The following OPTN variants were observed in gnomAD, a reference collection of about 807,000 sequenced individuals.
OPTN encodes optineurin.
In OPTN, 54 loss-of-function variants were observed where a neutral mutation model predicts 70.4. The observed-to-expected ratio is 0.77, with a 90% CI of 0.62 to 0.96. The LOEUF (loss-of-function observed/expected upper bound fraction) is 0.96. OPTN is among the 40% of genes least tolerant of loss of function. The pLI, the probability that OPTN is intolerant of heterozygous loss-of-function variation, is 0.00. For synonymous variants in OPTN, 256 were observed against 248.5 expected (o/e 1.03, Z -0.28); for missense variants, 624 against 673.2 (o/e 0.93, Z 0.81).
chr10:13,124,720 A>C (rs1183527498), intron 9 of OPTN, among the ~76,000 whole-genome samples: 2 of 152,224 alleles, frequency 1.3e-5, no homozygotes, highest in Non-Finnish European at 2.9e-5. Flanking sequence ...AATTATGGTA[A>C]CGTGATACAA....
At chr10:13,131,593 A>C (rs1225553742) in intron 12 of OPTN, 1 of 155,762 alleles carries the variant, frequency 6.4e-6, no homozygotes, top group East Asian at 1.9e-4. Flanking sequence ...AAGATAGTAA[A>C]TGTAAAGCAC....
chr10:13,115,479 AATATATTC>A (rs1564359920), intron 5 of OPTN, among the ~76,000 whole-genome samples: 1 of 104,592 alleles, frequency 9.6e-6, no homozygotes, highest in African/African-American at 4.6e-5. Context: ...GAATATATAT[AATATATTC>A]TATATTATAT....
chr10:13,127,682 T>C (rs1833496779), intron 11 of OPTN, 63 bp from the exon 12 acceptor site: 2 of 1,552,390 alleles, frequency 1.3e-6, no homozygotes, highest in Non-Finnish European at 8.9e-7. Context: ...CTTTTTCTAA[T>C]ATTTTACTAA....
At chr10:13,111,707 T>A (rs1463335280) in intron 4 of OPTN, among the ~76,000 whole-genome samples, 4 of 151,436 alleles carry the variant, frequency 2.6e-5, no homozygotes, top group African/African-American at 4.9e-5. Flanking sequence ...GAAAAAAAAA[T>A]TGTCAGGTAA....
rs56147136 is a variant in OPTN, at chr10:13,128,502, C to CTTTTTTTTTTTTTTTTTTTTTTTTT, written c.1401+607_1401+631dup. 5.7e-4 allele frequency among the ~76,000 whole-genome samples: 19 copies of CTTTTTTTTTTTTTTTTTTTTTTTTT among 33,490 alleles called. 4 individuals carry two copies. The highest frequency in any genetic ancestry group is 6.5e-4 in the African/African-American group (4 of 6,140). 22.0% of individuals were successfully genotyped at this position (33,490 alleles called of 152,430 possible). A position where few individuals can be genotyped will look rare whatever the true frequency, so the allele number is the denominator to read the frequency against. On this transcript the variant is annotated intron_variant, in intron 12 of 14. Transcript: ENST00000378747. Reference sequence around the variant, plus strand: ...TTGTGAAGTGCCTTATCAAGCCTGCCTTTTTTTTTTTTTTTTTTTTTTTTT... The same window carrying CTTTTTTTTTTTTTTTTTTTTTTTTT: ...TTGTGAAGTGCCTTATCAAGCCTGCCTTTTTTTTTTTTTTTTTTTTTTTTTTTTTTTTTTTTTTTTTTTTTTTTTT...
At chr10:13,133,104 AT>A (rs1833627231) in intron 13 of OPTN, among the ~76,000 whole-genome samples, 1 of 152,188 alleles carries the variant, frequency 6.6e-6, no homozygotes, top group Admixed American at 6.5e-5. Flanking sequence ...ACCAGATAAT[AT>A]TGATTTCTCT....
At chr10:13,120,770 C>T (rs1442418339) in intron 7 of OPTN, among the ~76,000 whole-genome samples, 1 of 152,052 alleles carries the variant, frequency 6.6e-6, no homozygotes, top group Non-Finnish European at 1.5e-5. Flanking sequence ...GTTTTGAAAT[C>T]AGGAAGTGTA....
At chr10:13,104,301 C>T (rs2131471194) in intron 1 of OPTN, among the ~76,000 whole-genome samples, 1 of 137,230 alleles carries the variant, frequency 7.3e-6, no homozygotes, top group South Asian at 2.3e-4. Context: ...ACTCTGTCAC[C>T]CAGGCTGGAG....
intron 7 of OPTN, 66 bp from the exon 8 acceptor site, chr10:13,122,319 G>C (rs1011164563): frequency 9.1e-7 from 1 of 1,093,144 alleles, no homozygotes; most frequent in African/African-American, 1.6e-5. Context: ...TAGTACTTCT[G>C]TAATAATTGC....
chr10:13,107,375 A>AG (rs1462789579), intron 1 of OPTN, among the ~76,000 whole-genome samples: 1 of 149,478 alleles, frequency 6.7e-6, no homozygotes, highest in Non-Finnish European at 1.5e-5. Context: ...ACTCTCAAAA[A>AG]ACCAAAACAG....
intron 3 of OPTN, 174 bp from the exon 4 acceptor site, chr10:13,110,100 C>G (rs950574109): frequency 1.6e-6 from 2 of 1,221,274 alleles, no homozygotes; most frequent in African/African-American, 3.1e-5. Context: ...TCCCGCTAGT[C>G]TTTTCTGTAA....
chr10:13,130,666 A>G (rs1833576878), intron 12 of OPTN, among the ~76,000 whole-genome samples: 1 of 152,074 alleles, frequency 6.6e-6, no homozygotes, highest in African/African-American at 2.4e-5. Context: ...ACATACTTTT[A>G]AGTAACTATA....
At chr10:13,116,162 G>T in intron 5 of OPTN, 105 bp from the exon 6 acceptor site, 1 of 791,322 alleles carries the variant, frequency 1.3e-6, no homozygotes, top group East Asian at 2.5e-5. Context: ...AAGCTTCCTT[G>T]GGTTGCATGT....
Position 13,138,028 on chromosome 10 carries a change from A to T in OPTN, c.*1162A>T, listed in dbSNP as rs951805114. On this transcript the variant is annotated 3_prime_UTR_variant, in exon 15 of 15. Coordinates refer to ENST00000378747, the MANE Select transcript of OPTN (RefSeq NM_001008212.2). ...TAATATCATCATATATATTTTCTGT[A>T]TTAAGCTCATTTGGCTTCATTTAAG... 9.4e-5 allele frequency: 19 copies of T among 202,726 alleles called. No homozygotes were observed. The highest frequency in any genetic ancestry group is 4.4e-4 in the African/African-American group (19 of 43,620). The allele number at this position is 202,726 out of a possible 1,614,324, so 12.6% of individuals were successfully genotyped here.
At position 13,136,620 on chromosome 10, in the gene OPTN, T is replaced by C. The variant is rs940356767; in HGVS notation, c.1613-125T>C. 1.2e-4 allele frequency: 135 copies of C among 1,110,372 alleles called. No individual in the cohort carries two copies. In the African/African-American group the frequency reaches 1.9e-3, roughly 16 times the overall value. 68.8% of individuals were successfully genotyped at this position (1,110,372 alleles called of 1,614,324 possible). A position where few individuals can be genotyped will look rare whatever the true frequency, so the allele number is the denominator to read the frequency against. On this transcript the variant is annotated intron_variant, in intron 14 of 14. Transcript: ENST00000378747. ...TCAGTTAAAGACCAAACACCTGTGC[T>C]CATGTCCCACTACGTGTTGAATACG...
At chr10:13,110,114 A>G in intron 3 of OPTN, 160 bp from the exon 4 acceptor site, 1 of 1,379,628 alleles carries the variant, frequency 7.2e-7, no homozygotes, top group Non-Finnish European at 9.8e-7. Context: ...TCTGTAAGCA[A>G]AAACCACTTC....
At chr10:13,113,104 C>G (rs1402153422) in intron 5 of OPTN, among the ~76,000 whole-genome samples, 1 of 152,152 alleles carries the variant, frequency 6.6e-6, no homozygotes, top group East Asian at 1.9e-4. Flanking sequence ...TCACTGCACC[C>G]TCTGCCTCCG....
intron 1 of OPTN, among the ~76,000 whole-genome samples, chr10:13,100,873 G>T (rs776576914): frequency 1.3e-5 from 2 of 152,222 alleles, no homozygotes; most frequent in Admixed American, 6.5e-5. Flanking sequence ...ATCGCTCAAA[G>T]AAAATGAAAC....
Position 13,109,134 on chromosome 10 carries a change from A to G in OPTN, c.12A>G (p.Gln4=). The part of the protein sequence containing the change: MSH[Q]PLSCLTEKED... ...CAGGAACTTCTGCAATGTCCCATCA[A>G]CCTCTCAGCTGCCTCACTGAAAAGG... The change falls in exon 3 of 15, where the codon CAA becomes CAG. Residue 4 remains glutamine, a synonymous_variant. Coordinates refer to ENST00000378747, the MANE Select transcript of OPTN (RefSeq NM_001008212.2). The G allele has an allele frequency of 6.2e-7, 1 of 1,613,852 alleles. No individual in the cohort carries two copies. The highest frequency in any genetic ancestry group is 8.5e-7 in the Non-Finnish European group (1 of 1,179,976).
Sources: allele counts gnomAD v4.1 joint callset (sites outside exome capture counted in the v4.1 genomes callset), GRCh38; gene constraint gnomAD v4.1.1; transcripts MANE v1.5; gene names NCBI Gene and HGNC (gene_info 2026-07-23, HGNC 2026-07-21).